The following CHD4 variants were observed in gnomAD, a reference collection of about 807,000 sequenced individuals.
The protein encoded by CHD4 is ATP-dependent chromatin remodeler CHD4.
A neutral mutation model predicts 235.5 loss-of-function variants in CHD4; 35 were observed. That is an observed-to-expected ratio of 0.15 (90% CI 0.11 to 0.20). The LOEUF is 0.20. Among genes scored for constraint, CHD4 ranks in the 10% least tolerant of loss-of-function variants. The pLI is 1.00. For missense variants in CHD4, 1,329 were observed against 2,432.3 expected, an observed-to-expected ratio of 0.55 and a Z score of 9.54; for synonymous variants, 900 against 850.2, an observed-to-expected ratio of 1.06 and a Z score of -1.02.
In CHD4 at chr12:6,596,029, G is replaced by A; in HGVS notation, c.2001C>T (p.Phe667=). Residue 667 remains phenylalanine, a synonymous_variant, in exon 13 of 40, where the codon TTC becomes TTT. Transcript: ENST00000544040. The part of the protein sequence containing the change: ...EDVEIQDYDL[F]KQSYWNHREL... Reference sequence around the variant, plus strand: ...ACCTGTGATTCCAATAGCTCTGCTTGAACAGGTCGTAATCCTGGATCTCCA... The same window carrying A: ...ACCTGTGATTCCAATAGCTCTGCTTAAACAGGTCGTAATCCTGGATCTCCA... 1 of 1,612,780 alleles carries A rather than the reference G, an allele frequency of 6.2e-7. No homozygotes were observed. The highest frequency in any genetic ancestry group is 8.5e-7 in the Non-Finnish European group (1 of 1,179,568).
chr12:6,578,948 C>T (rs1342779522), intron 33 of CHD4, 31 bp from the exon 34 acceptor site: 6 of 1,592,698 alleles, frequency 3.8e-6, no homozygotes, highest in Non-Finnish European at 5.2e-6. Flanking sequence ...GAGACTATAC[C>T]TAAAGGAAGA....
chr12:6,584,584 A>G (rs1363528181), intron 25 of CHD4: 1 of 152,070 alleles, frequency 6.6e-6, no homozygotes, highest in Non-Finnish European at 1.5e-5. Flanking sequence ...GAATTTTACC[A>G]TGTTGCCCAA....
intron 29 of CHD4, 108 bp from the exon 30 acceptor site, chr12:6,582,389 T>C: frequency 2.2e-6 from 3 of 1,383,356 alleles, no homozygotes; most frequent in Non-Finnish European, 2.9e-6. Context: ...GGCTCCACCT[T>C]GAGGTAAAGC....
chr12:6,579,256 C>T (rs1948128315), intron 33 of CHD4: 2 of 334,300 alleles, frequency 6.0e-6, no homozygotes, highest in Admixed American at 4.5e-5. Flanking sequence ...TAGAAACCAG[C>T]CTGGCCAACA....
chr12:6,600,441 T>TCCCCCCCCCCCCCCC, intron 8 of CHD4, 46 bp from the exon 9 acceptor site: 2 of 1,600,488 alleles, frequency 1.2e-6, no homozygotes, highest in Non-Finnish European at 1.7e-6. Context: ...AAAAACTACC[T>TCCCCCCCCCCCCCCC]CCCCCCACCC....
At chr12:6,601,143 A>G (rs1310479774) in intron 6 of CHD4, 90 bp from the exon 7 acceptor site, 1 of 1,524,370 alleles carries the variant, frequency 6.6e-7, no homozygotes, top group Non-Finnish European at 8.8e-7. Context: ...CCCCACATTC[A>G]GATTCCCAAA....
At position 6,573,102 on chromosome 12, in the gene CHD4, G is replaced by A. The variant is rs201751048; in HGVS notation, c.5529C>T (p.Asn1843=). The A allele has an allele frequency of 7.8e-4, 1,257 of 1,610,158 alleles. 21 individuals are homozygous for A. The South Asian group carries it at 9.8e-3, about 13-fold the overall frequency. The change falls in exon 38 of 40, where the codon AAC becomes AAT. Residue 1843 remains asparagine, a synonymous_variant. Transcript: ENST00000544040. The part of the protein sequence containing the change: ...QHLSKESMAG[N]KPANAVLHKV... ...TGTGCAGGACTGCATTGGCTGGCTT[G>A]TTTCCTGCCATTGACTCCTTGGACA...
chr12:6,572,427 G>GAAA (rs553252360), intron 38 of CHD4, among the ~76,000 whole-genome samples: 2 of 97,616 alleles, frequency 2.0e-5, no homozygotes, highest in Admixed American at 1.2e-4. Flanking sequence ...CTCTATCTCA[G>GAAA]AAAAAAAAAA....
intron 21 of CHD4, 53 bp downstream of exon 21, chr12:6,591,641 G>A: frequency 6.2e-7 from 1 of 1,612,802 alleles, no homozygotes; most frequent in South Asian, 1.1e-5. Flanking sequence ...CTTTCCTTAG[G>A]TCACTAAGGG....
intron 37 of CHD4, among the ~76,000 whole-genome samples, chr12:6,574,497 T>C (rs1948034315): frequency 6.6e-6 from 1 of 152,224 alleles, no homozygotes; most frequent in South Asian, 2.1e-4. Flanking sequence ...ATGAAAAGAT[T>C]TTAATTACTT....
intron 27 of CHD4, 25 bp from the exon 28 acceptor site, chr12:6,582,961 G>GT (rs1260102779): frequency 1.2e-6 from 2 of 1,612,402 alleles, no homozygotes; most frequent in Non-Finnish European, 1.7e-6. Context: ...AGATGAATGA[G>GT]TGACACAGGT....
In CHD4 at chr12:6,606,332, G is replaced by A. The variant is rs750876187; in HGVS notation, c.42C>T (p.Gly14=). The A allele has an allele frequency of 6.4e-7, 1 of 1,569,448 alleles. No homozygotes were observed. Among genetic ancestry groups the A allele is most frequent in the Non-Finnish European group, 8.6e-7 (1 of 1,160,800 alleles). ...GLGSPSPCSA[G]SEEEDMDALL... ...GTGCATCCATATCCTCCTCCTCACTGCCCGCCGAGCAGGGGGACGGGGAGC... is the reference window on the plus strand; with the variant it reads ...GTGCATCCATATCCTCCTCCTCACTACCCGCCGAGCAGGGGGACGGGGAGC... Residue 14 remains glycine, a synonymous_variant, in exon 2 of 40, where the codon GGC becomes GGT. Coordinates refer to ENST00000544040, the MANE Select transcript of CHD4 (RefSeq NM_001273.5).
chr12:6,602,642 G>A (rs1020616653), intron 2 of CHD4, 145 bp from the exon 3 acceptor site: 39 of 1,141,824 alleles, frequency 3.4e-5, no homozygotes, highest in Non-Finnish European at 4.6e-5. Context: ...ACAGGAGGAA[G>A]CTGATACCCA....
chr12:6,593,063 G>GC lies in CHD4; in HGVS notation c.2652+27dup. On this transcript the variant is annotated intron_variant, in intron 17 of 39. Coordinates refer to ENST00000544040, the MANE Select transcript of CHD4 (RefSeq NM_001273.5). This position sits in a 1 kb window ranked among gnomAD's most constrained non-coding sequence, Gnocchi z 4.9. ...GTACTAGAAAAAACCCAAAGTGGGG[G>GC]CTCCAACATCCCTCCCTCAGCCCTC... 1 of 1,610,220 alleles carries GC rather than the reference G, an allele frequency of 6.2e-7. No homozygotes were observed. The highest frequency in any genetic ancestry group is 2.2e-5 in the East Asian group (1 of 44,846).
chr12:6,587,640 G>C (rs1948323343), intron 24 of CHD4, 72 bp downstream of exon 24: 1 of 1,603,952 alleles, frequency 6.2e-7, no homozygotes, highest in Admixed American at 1.7e-5. Context: ...AAGACCCTTG[G>C]TATCAAAGAT....
chr12:6,591,416 G>C (rs772799886), intron 22 of CHD4, 50 bp downstream of exon 22: 3 of 1,432,174 alleles, frequency 2.1e-6, no homozygotes, highest in Non-Finnish European at 1.9e-6. Flanking sequence ...ACAGTCCAAA[G>C]ATATAAGCAA....
In CHD4 at chr12:6,578,891, C is replaced by G. The variant is rs1430036042; in HGVS notation, c.4936G>C (p.Glu1646Gln). 4 of 1,614,196 alleles carry G rather than the reference C, an allele frequency of 2.5e-6. No individual in the cohort carries two copies. The highest frequency in any genetic ancestry group is 3.4e-6 in the Non-Finnish European group (4 of 1,180,024). Residue 1646 changes from glutamate (E) to glutamine (Q), a missense_variant, in exon 34 of 40, where the codon GAA (glutamate) becomes CAA (glutamine). Coordinates refer to ENST00000544040, the MANE Select transcript of CHD4 (RefSeq NM_001273.5). ...KGAADVEKVE[E>Q]KSAIDLTPIV... ...GGGGTCAGATCTATTGCTGACTTTT[C>G]CTCCACCTTCTCTACATCAGCAGCA...
At chr12:6,578,778 G>T in intron 34 of CHD4, 68 bp downstream of exon 34, 2 of 1,475,442 alleles carry the variant, frequency 1.4e-6, no homozygotes, top group African/African-American at 1.4e-5. Context: ...GGGAGGCAGG[G>T]CAGATACAGT....
intron 22 of CHD4, among the ~76,000 whole-genome samples, chr12:6,589,757 C>T (rs2136211271): frequency 6.8e-6 from 1 of 148,022 alleles, no homozygotes; most frequent in Non-Finnish European, 1.5e-5. Context: ...CAGAGCAAGA[C>T]TTTGTCTCAA....
Sources: gnomAD v4.1 joint callset for allele counts (sites outside exome capture counted in the v4.1 genomes callset) on GRCh38, gnomAD v4.1.1 for gene constraint, Gnocchi (gnomAD v3.1) non-coding constraint, MANE v1.5 for transcripts, NCBI Gene and HGNC (gene_info 2026-07-23, HGNC 2026-07-21) for gene names.